EIF4G1: variants seen among roughly 807,000 people sequenced by gnomAD.
EIF4G1 encodes the protein eukaryotic translation initiation factor 4 gamma 1.
In EIF4G1, 4 loss-of-function variants were observed where a neutral mutation model predicts 187.8. That is an observed-to-expected ratio of 0.02 (90% CI 0.01 to 0.05). The LOEUF (loss-of-function observed/expected upper bound fraction) is 0.05. Ranked by LOEUF, EIF4G1 falls within the 10% of genes least tolerant of loss-of-function variation. The probability of loss-of-function intolerance (pLI) is 1.00; values close to 1 mark genes in which losing one functional copy is unlikely to be tolerated. For missense variants in EIF4G1, 1,647 were observed against 2,081.1 expected, an observed-to-expected ratio of 0.79 and a Z score of 4.06; for synonymous variants, 844 against 781.4, an observed-to-expected ratio of 1.08 and a Z score of -1.34.
At chr3:184,324,079 T>A in intron 16 of EIF4G1, 102 bp downstream of exon 16, 1 of 1,605,726 alleles carries the variant, frequency 6.2e-7, no homozygotes, top group Non-Finnish European at 8.5e-7. Context: ...CTTGTGCCTC[T>A]TCCAGCTGGA....
In EIF4G1 at chr3:184,325,188, G is replaced by A; in HGVS notation, c.2856+74G>A. ...CTCACTGAGCCCACAATGATGGGGC[G>A]GAAGGCCTGAGGAGGGGTGGGGCCT... On this transcript the variant is annotated intron_variant, in intron 18 of 32. Transcript: ENST00000346169. This position sits in a 1 kb window ranked among gnomAD's most constrained non-coding sequence, Gnocchi z 5.2. 10 of 1,601,876 alleles carry A rather than the reference G, an allele frequency of 6.2e-6. No homozygotes were observed. In the Middle Eastern group the frequency reaches 5.0e-4, roughly 80 times the overall value.
intron 10 of EIF4G1, 22 bp from the exon 11 acceptor site, chr3:184,322,340 T>C (rs80195889): frequency 0.021 from 33,857 of 1,605,264 alleles, 440 homozygotes; most frequent in Non-Finnish European, 0.025. Context: ...ATCCATGCTT[T>C]TATTTATTTA....
In EIF4G1 at chr3:184,332,019, C is replaced by A. The variant is rs11559218; in HGVS notation, c.4551C>A (p.Asp1517Glu). The A allele has an allele frequency of 3.1e-6, 5 of 1,614,066 alleles. No individual in the cohort carries two copies. The African/African-American group carries it at 5.3e-5, about 17-fold the overall frequency. The part of the protein sequence containing the change: ...RAKLLQKYLC[D>E]EQKELQALYA... ...AGCTGCTGCAGAAATACCTGTGTGACGAGCAGAAGGAGCTACAGGCGCTCT... is the reference window on the plus strand; with the variant it reads ...AGCTGCTGCAGAAATACCTGTGTGAAGAGCAGAAGGAGCTACAGGCGCTCT... Residue 1517 changes from aspartate to glutamate, a missense_variant, in exon 32 of 33, where the codon GAC becomes GAA. By Grantham distance (45) the Asp-to-Glu change is conservative. Around this residue, in one of 11 missense-constraint regions of EIF4G1, gnomAD observed 543 missense variants for 638.0 expected, o/e 0.85. Transcript: ENST00000346169.
At position 184,325,524 on chromosome 3, in the gene EIF4G1, T is replaced by C. The variant is rs767902506; in HGVS notation, c.3006T>C (p.Ile1002=). The C allele has an allele frequency of 4.3e-6, 7 of 1,614,002 alleles. No individual in the cohort carries two copies. In the East Asian group the frequency reaches 1.6e-4, roughly 36 times the overall value. The change falls in exon 20 of 33, where the codon ATT becomes ATC. Residue 1002 remains isoleucine (I), a synonymous_variant. Transcript: ENST00000346169. This position sits in a 1 kb window ranked among gnomAD's most constrained non-coding sequence, Gnocchi z 5.2. ...GAGGGGATCAGGGTCCCAAGACCAT[T>C]GACCAGATCCATAAGGAGGCTGAGA... The part of the protein sequence containing the change: ...PRRGDQGPKT[I]DQIHKEAEME...
Position 184,323,265 on chromosome 3 carries a change from C to T in EIF4G1, c.2088+24C>T. On this transcript the variant is annotated intron_variant, in intron 14 of 32. Coordinates refer to ENST00000346169, the MANE Select transcript of EIF4G1 (RefSeq NM_198241.3). This position sits in a 1 kb window ranked among gnomAD's most constrained non-coding sequence, Gnocchi z 6.9. ...CGGTGAGTGGGGCTGGGTAAAGTGGCAGGTGGGCAAGGAGTGGGAGTGGAT... is the reference window on the plus strand; with the variant it reads ...CGGTGAGTGGGGCTGGGTAAAGTGGTAGGTGGGCAAGGAGTGGGAGTGGAT... 6.2e-7 allele frequency: 1 copy of T among 1,613,824 alleles called. No homozygotes were observed. Among genetic ancestry groups the T allele is most frequent in the East Asian group, 2.2e-5 (1 of 44,852 alleles).
intron 31 of EIF4G1, 64 bp downstream of exon 31, chr3:184,331,873 G>A: frequency 6.2e-7 from 1 of 1,613,890 alleles, no homozygotes; most frequent in South Asian, 1.1e-5. Context: ...AGGGAGGTGG[G>A]TGTCAGCCTT....
intron 4 of EIF4G1, among the ~76,000 whole-genome samples, chr3:184,317,066 G>A (rs1722925695): frequency 6.6e-6 from 1 of 152,206 alleles, no homozygotes; most frequent in Non-Finnish European, 1.5e-5. Context: ...TGGTAGAGGT[G>A]ACGTGTGTAT....
In EIF4G1 at chr3:184,320,928, C is replaced by G. The variant is rs762038648; in HGVS notation, c.632C>G (p.Thr211Arg). ...TTGGTAACCCTTTGTGTCCTGCAGA[C>G]GGGAGGCGGTCTGGAGCCTCAAGCT... ...RTASTPTPPQ[T>R]GGGLEPQANG... Residue 211 changes from threonine (T) to arginine (R), a missense_variant and splice_region_variant, in exon 9 of 33, where the codon ACG becomes AGG. Physicochemically the swap from Thr to Arg is moderately conservative, Grantham distance 71. This residue lies in a region of EIF4G1 where 18 missense variants were observed against 22.5 expected (regional missense o/e 0.80). Transcript: ENST00000346169. 6.2e-7 allele frequency: 1 copy of G among 1,614,060 alleles called. No individual in the cohort carries two copies. The highest frequency in any genetic ancestry group is 1.3e-5 in the African/African-American group (1 of 74,930).
In EIF4G1 at chr3:184,324,299, T is replaced by C. The variant is rs768791754; in HGVS notation, c.2571T>C (p.Asp857=). The change falls in exon 17 of 33, where the codon GAT becomes GAC. Residue 857 remains aspartate (D), a synonymous_variant. Coordinates refer to ENST00000346169, the MANE Select transcript of EIF4G1 (RefSeq NM_198241.3). Reference sequence around the variant, plus strand: ...AGGAGTTTGAGAAAGACAAAGATGATGATGAGGTTTTTGAGAAGAAGCAAA... The same window carrying C: ...AGGAGTTTGAGAAAGACAAAGATGACGATGAGGTTTTTGAGAAGAAGCAAA... ...CQKEFEKDKD[D]DEVFEKKQKE... The C allele has an allele frequency of 2.1e-5, 34 of 1,614,048 alleles. No individual in the cohort carries two copies. The highest frequency in any genetic ancestry group is 2.7e-5 in the Non-Finnish European group (32 of 1,180,038).
chr3:184,318,884 C>T (rs891983111), intron 6 of EIF4G1, among the ~76,000 whole-genome samples: 4 of 151,984 alleles, frequency 2.6e-5, no homozygotes, highest in African/African-American at 7.2e-5. Flanking sequence ...AGATTATAGG[C>T]GTGAGCCACC....
chr3:184,325,224 G>C lies in EIF4G1; in HGVS notation c.2857-45G>C. The C allele has an allele frequency of 6.2e-7, 1 of 1,610,488 alleles. No individual in the cohort carries two copies. The highest frequency in any genetic ancestry group is 8.5e-7 in the Non-Finnish European group (1 of 1,176,716). On this transcript the variant is annotated intron_variant, in intron 18 of 32. Coordinates refer to ENST00000346169, the MANE Select transcript of EIF4G1 (RefSeq NM_198241.3). The surrounding 1 kb of genome is among the most constrained non-coding windows in gnomAD (Gnocchi z 5.2). Reference sequence around the variant, plus strand: ...GGAGGGGTGGGGCCTGCAGTTATAGGTGGGACATGAGAAGTTCCTGGTCTG... The same window carrying C: ...GGAGGGGTGGGGCCTGCAGTTATAGCTGGGACATGAGAAGTTCCTGGTCTG...
At chr3:184,319,484 TTA>T in intron 6 of EIF4G1, 1 of 516,944 alleles carries the variant, frequency 1.9e-6, no homozygotes, top group East Asian at 3.6e-5. Flanking sequence ...TGTGTGTGTG[TTA>T]GGAATTCTTG....
intron 25 of EIF4G1, 59 bp downstream of exon 25, chr3:184,327,763 G>A (rs546068180): frequency 1.2e-6 from 2 of 1,613,632 alleles, no homozygotes; most frequent in Admixed American, 1.7e-5. Flanking sequence ...ATGCTGGCAG[G>A]CATAGGGGTC....
At chr3:184,319,377 G>A in intron 6 of EIF4G1, 1 of 427,996 alleles carries the variant, frequency 2.3e-6, no homozygotes, top group Non-Finnish European at 4.4e-6. Flanking sequence ...ACAGACATAA[G>A]TCCTCCTGGT....
rs774829113 is a variant in EIF4G1, at chr3:184,334,762, G to A, written c.4654G>A (p.Glu1552Lys). Residue 1552 changes from glutamate to lysine, a missense_variant, in exon 33 of 33, where the codon GAG (glutamate) becomes AAG (lysine). By Grantham distance (56) the Glu-to-Lys change is moderately conservative. Around this residue, in one of 11 missense-constraint regions of EIF4G1, gnomAD observed 543 missense variants for 638.0 expected, o/e 0.85. Transcript: ENST00000346169. The surrounding 1 kb of genome is among the most constrained non-coding windows in gnomAD (Gnocchi z 5.8). ...LRMFFDALYD[E>K]DVVKEDAFYS... The stretch of plus-strand genomic sequence containing the variant: ...GATGTTCTTTGACGCACTGTATGAC[G>A]AGGACGTGGTGAAGGAGGATGCCTT... 6.8e-6 allele frequency: 11 copies of A among 1,614,212 alleles called. No homozygotes were observed. The highest frequency in any genetic ancestry group is 9.3e-6 in the Non-Finnish European group (11 of 1,180,036).
Position 184,321,294 on chromosome 3 carries a change from A to G in EIF4G1, c.710A>G (p.Gln237Arg). 6.2e-7 allele frequency: 1 copy of G among 1,614,138 alleles called. No individual in the cohort carries two copies. The highest frequency in any genetic ancestry group is 1.1e-5 in the South Asian group (1 of 91,088). The change falls in exon 10 of 33, where the codon CAG (glutamine) becomes CGG (arginine). Residue 237 changes from glutamine (Q) to arginine (R), a missense_variant. Around this residue, in one of 11 missense-constraint regions of EIF4G1, gnomAD observed 522 missense variants for 485.2 expected, o/e 1.08. Coordinates refer to ENST00000346169, the MANE Select transcript of EIF4G1 (RefSeq NM_198241.3). ...TCCTATGGTGCAGATGACCGGTCAC[A>G]GGGAGCAATCATTGCTGACCGGCCA... Reference protein sequence around the residue: ...AVIVRPDDRSQGAIIADRPGL... With the variant: ...AVIVRPDDRSRGAIIADRPGL...
chr3:184,319,069 A>T (rs1426306673), intron 6 of EIF4G1: 1 of 151,166 alleles, frequency 6.6e-6, no homozygotes, highest in Non-Finnish European at 1.5e-5. Context: ...GTGAGACTCC[A>T]TCTCAAAAAA....
intron 7 of EIF4G1, 121 bp from the exon 8 acceptor site, chr3:184,320,509 G>T (rs1437342764): frequency 6.4e-7 from 1 of 1,571,452 alleles, no homozygotes. Flanking sequence ...GGGGTTTCTG[G>T]CACCTACCTA....
At chr3:184,326,141 C>T (rs1724854585) in intron 21 of EIF4G1, among the ~76,000 whole-genome samples, 190 bp downstream of exon 21, 1 of 147,276 alleles carries the variant, frequency 6.8e-6, no homozygotes, top group Non-Finnish European at 1.5e-5. Flanking sequence ...TTGGCAAACA[C>T]ACACACACAC....
Sources: gnomAD v4.1 joint callset for allele counts (sites outside exome capture counted in the v4.1 genomes callset) on GRCh38, gnomAD v4.1.1 for gene constraint, gnomAD v4.1.1 regional missense constraint, Gnocchi (gnomAD v3.1) non-coding constraint, MANE v1.5 for transcripts, NCBI Gene and HGNC (gene_info 2026-07-23, HGNC 2026-07-21) for gene names.